Variants in IL1RAPL2 observed in about 807,000 individuals in gnomAD.
IL1RAPL2 encodes X-linked interleukin-1 receptor accessory protein-like 2.
In IL1RAPL2, 3 loss-of-function variants were observed where a neutral mutation model predicts 44.1. That is an observed-to-expected ratio of 0.07 (90% CI 0.03 to 0.18). The LOEUF (loss-of-function observed/expected upper bound fraction) is 0.18. IL1RAPL2 is among the 10% of genes least tolerant of loss of function. IL1RAPL2 has a pLI of 1.00. For missense variants in IL1RAPL2, 391 were observed against 496.4 expected (o/e 0.79, Z 2.02); for synonymous variants, 181 against 178.8 (o/e 1.01, Z -0.10).
intron 5 of IL1RAPL2, among the ~76,000 whole-genome samples, chrX:105,424,968 G>A (rs1422871813): frequency 9.1e-6 from 1 of 109,672 alleles, no homozygotes; most frequent in Non-Finnish European, 1.9e-5. Flanking sequence ...GGGCTTGGAA[G>A]TACAGGCTCT....
chrX:105,043,553 C>G (rs1388600200), intron 2 of IL1RAPL2, among the ~76,000 whole-genome samples: 1 of 103,787 alleles, frequency 9.6e-6, no homozygotes, highest in East Asian at 2.9e-4. Context: ...TTCCTCATCC[C>G]CTTCTCAAAG....
At chrX:104,672,201 C>A (rs779271718) in intron 2 of IL1RAPL2, among the ~76,000 whole-genome samples, 2 of 111,233 alleles carry the variant, frequency 1.8e-5, no homozygotes, top group Admixed American at 9.5e-5. Context: ...GTGCACTGCA[C>A]CCACTAACTC....
intron 8 of IL1RAPL2, among the ~76,000 whole-genome samples, chrX:105,742,837 C>A (rs763944140): frequency 9.0e-6 from 1 of 111,619 alleles, no homozygotes; most frequent in East Asian, 2.9e-4. Flanking sequence ...TCAAATTTAG[C>A]TTGTCCCAAA....
intron 2 of IL1RAPL2, among the ~76,000 whole-genome samples, chrX:104,672,505 A>G (rs1930631785): frequency 9.4e-6 from 1 of 106,466 alleles, no homozygotes; most frequent in Non-Finnish European, 1.9e-5. Flanking sequence ...ATTGTTGGAC[A>G]TTTGGGTTGG....
At chrX:105,153,838 T>C (rs1317083970) in intron 2 of IL1RAPL2, among the ~76,000 whole-genome samples, 1 of 110,856 alleles carries the variant, frequency 9.0e-6, no homozygotes, top group Non-Finnish European at 1.9e-5. Flanking sequence ...GCTTTTGTCA[T>C]GTATATGAAG....
chrX:104,768,007 T>A, intron 2 of IL1RAPL2, among the ~76,000 whole-genome samples: 1 of 112,210 alleles, frequency 8.9e-6, no homozygotes, highest in Non-Finnish European at 1.9e-5. Flanking sequence ...GACATAAAAT[T>A]GTATTTTACA....
intron 1 of IL1RAPL2, among the ~76,000 whole-genome samples, chrX:104,615,208 G>C (rs757401070): frequency 9.0e-6 from 1 of 111,247 alleles, no homozygotes; most frequent in South Asian, 3.8e-4. Context: ...GCACTTACTT[G>C]TCTGGAAAAT....
In IL1RAPL2 at chrX:105,479,671, G is replaced by A. The variant is rs373456932; in HGVS notation, c.698-4642G>A. Among the ~76,000 whole-genome samples, 62 of 109,644 alleles carry A rather than the reference G, an allele frequency of 5.7e-4. 1 individual carries two copies. In the South Asian group the frequency reaches 0.024, roughly 42 times the overall value. ...GGAGAATCGCTTCAACCCAGGAGGC[G>A]GAGATTAAGGTGAGCTGAGATTCTG... On this transcript the variant is annotated intron_variant, in intron 5 of 10. Coordinates refer to ENST00000372582, the MANE Select transcript of IL1RAPL2 (RefSeq NM_017416.2).
chrX:104,886,077 A>C (rs1677723482), intron 2 of IL1RAPL2, among the ~76,000 whole-genome samples: 1 of 113,211 alleles, frequency 8.8e-6, no homozygotes, highest in Non-Finnish European at 1.9e-5. Context: ...CTCCTGTCCC[A>C]GATGACTGTC....
intron 2 of IL1RAPL2, among the ~76,000 whole-genome samples, chrX:105,185,495 A>C (rs1474107424): frequency 9.0e-6 from 1 of 111,685 alleles, no homozygotes; most frequent in African/African-American, 3.3e-5. Context: ...AACTCAGATA[A>C]TCCATTTTAC....
At chrX:104,827,820 A>G (rs1336797058) in intron 2 of IL1RAPL2, among the ~76,000 whole-genome samples, 1 of 111,432 alleles carries the variant, frequency 9.0e-6, no homozygotes, top group African/African-American at 3.3e-5. Context: ...GGCTTTGTTC[A>G]TTCCATTTCA....
At chrX:104,905,753 G>C (rs1441319371) in intron 2 of IL1RAPL2, among the ~76,000 whole-genome samples, 4 of 111,257 alleles carry the variant, frequency 3.6e-5, no homozygotes, top group African/African-American at 1.3e-4. Flanking sequence ...CTCCAGCTTT[G>C]TTCTTTTGGC....
chrX:105,029,029 T>C (rs1223341975), intron 2 of IL1RAPL2, among the ~76,000 whole-genome samples: 1 of 109,510 alleles, frequency 9.1e-6, no homozygotes, highest in Non-Finnish European at 1.9e-5. Context: ...CTGTTTGCAG[T>C]ACCTTTGTAT....
intron 2 of IL1RAPL2, among the ~76,000 whole-genome samples, chrX:105,151,252 G>A (rs1029760458): frequency 1.8e-5 from 2 of 111,416 alleles, no homozygotes; most frequent in Non-Finnish European, 3.8e-5. Context: ...GCTGAATTGC[G>A]TTGAGCACTT....
rs374463765 is a variant in IL1RAPL2, at chrX:105,307,213, C to T, written c.697+39672C>T. 6.0e-4 allele frequency among the ~76,000 whole-genome samples: 63 copies of T among 105,214 alleles called. 4 individuals are homozygous for T. The East Asian group carries it at 7.6e-3, about 13-fold the overall frequency. 91.4% of individuals were successfully genotyped at this position (105,214 alleles called of 115,157 possible). ...TTACAATTGTCAATGAGATTTGGGT[C>T]GGGACACAGAATCAAACTGCATTGG... On this transcript the variant is annotated intron_variant, in intron 5 of 10. Transcript: ENST00000372582.
chrX:105,029,398 C>G (rs1272870152), intron 2 of IL1RAPL2, among the ~76,000 whole-genome samples: 1 of 61,309 alleles, frequency 1.6e-5, no homozygotes, highest in Non-Finnish European at 2.8e-5. Flanking sequence ...CTATCCCTCC[C>G]CCCTCCCCCC....
At chrX:105,132,497 A>G (rs2033038056) in intron 2 of IL1RAPL2, among the ~76,000 whole-genome samples, 1 of 111,138 alleles carries the variant, frequency 9.0e-6, no homozygotes, top group Admixed American at 9.6e-5. Flanking sequence ...GAAAAAAAAC[A>G]CAAGAACAAA....
In IL1RAPL2 at chrX:105,115,289, A is replaced by G. The variant is rs767274399; in HGVS notation, c.83-80186A>G. Among the ~76,000 whole-genome samples, 92 of 111,688 alleles carry G rather than the reference A, an allele frequency of 8.2e-4. 1 individual carries two copies. Among genetic ancestry groups the G allele is most frequent in the Admixed American group, 7.1e-3 (75 of 10,578 alleles). On this transcript the variant is annotated intron_variant, in intron 2 of 10. Transcript: ENST00000372582. Reference sequence around the variant, plus strand: ...AGCAGTAGCAAGATTCATTGAAAAGAGCGAAGGAACAAAGATTCCACAGTG... The same window carrying G: ...AGCAGTAGCAAGATTCATTGAAAAGGGCGAAGGAACAAAGATTCCACAGTG...
At chrX:105,731,901 G>T (rs962657540) in intron 7 of IL1RAPL2, among the ~76,000 whole-genome samples, 6 of 110,996 alleles carry the variant, frequency 5.4e-5, no homozygotes, top group African/African-American at 2.0e-4. Context: ...GGTGACTGTA[G>T]TTAACAACAA....
Sources: gnomAD v4.1 joint callset for allele counts (sites outside exome capture counted in the v4.1 genomes callset) on GRCh38, gnomAD v4.1.1 for gene constraint, MANE v1.5 for transcripts, NCBI Gene and HGNC (gene_info 2026-07-23, HGNC 2026-07-21) for gene names.